IGFL2: variants seen among roughly 807,000 people sequenced by gnomAD.
IGFL2 encodes the protein insulin growth factor-like family member 2.
Under a neutral mutation model 13.9 loss-of-function variants are expected in IGFL2, and 7 were observed. The observed-to-expected ratio is 0.51, with a 90% CI of 0.29 to 0.95. The LOEUF (loss-of-function observed/expected upper bound fraction) is 0.95, where lower values mean the gene tolerates loss of function less well. IGFL2 is among the 40% of genes least tolerant of loss of function. IGFL2 has a pLI of 0.08. For synonymous variants in IGFL2, 55 were observed against 55.8 expected, an observed-to-expected ratio of 0.99 and a Z score of 0.07; for missense variants, 138 against 147.8, an observed-to-expected ratio of 0.93 and a Z score of 0.34.
Position 46,150,180 on chromosome 19 carries a change from A to T in IGFL2, c.19+1883A>T, listed in dbSNP as rs577711024. 8.3e-4 allele frequency among the ~76,000 whole-genome samples: 126 copies of T among 152,160 alleles called. 2 individuals carry two copies. The Middle Eastern group carries it at 0.017, about 21-fold the overall frequency. On this transcript the variant is annotated intron_variant, in intron 1 of 3. Transcript: ENST00000377693. ...TATTGGCCATTTGTATTCCTTTTTG[A>T]GAAAAGGTTTATTCAGATTTTTCCA...
At chr19:46,182,641 G>A in the IGFL2 span, among the ~76,000 whole-genome samples, 1 of 152,282 alleles carries the variant, frequency 6.6e-6, no homozygotes, top group East Asian at 1.9e-4. Context: ...TGTGTGAGTT[G>A]GAGATTGGAT....
upstream of IGFL2, among the ~76,000 whole-genome samples, chr19:46,143,987 C>T (rs1472275174): frequency 7.2e-5 from 11 of 152,250 alleles, no homozygotes; most frequent in African/African-American, 2.4e-5. Flanking sequence ...GCCCACCTCT[C>T]ACCTCTGTCA....
chr19:46,135,384 G>A, the IGFL2 span, among the ~76,000 whole-genome samples: 1 of 151,994 alleles, frequency 6.6e-6, no homozygotes, highest in South Asian at 2.1e-4. Context: ...TCTCTATTTG[G>A]TATCCATTAA....
the IGFL2 span, among the ~76,000 whole-genome samples, chr19:46,179,778 T>C: frequency 6.6e-6 from 1 of 151,230 alleles, no homozygotes; most frequent in South Asian, 2.1e-4. Flanking sequence ...TAGCCGGGAG[T>C]GTTGGTGCAT....
the IGFL2 span, among the ~76,000 whole-genome samples, chr19:46,090,433 G>C: frequency 6.6e-6 from 1 of 152,140 alleles, no homozygotes; most frequent in African/African-American, 2.4e-5. Flanking sequence ...TCTTGATCTT[G>C]TGGCCACACG....
the IGFL2 span, among the ~76,000 whole-genome samples, chr19:46,172,633 T>G: frequency 6.6e-6 from 1 of 152,148 alleles, no homozygotes; most frequent in Admixed American, 6.5e-5. Flanking sequence ...AGGAAATTTT[T>G]AAATGCCAGC....
At chr19:46,205,989 C>A in the IGFL2 span, among the ~76,000 whole-genome samples, 7 of 152,026 alleles carry the variant, frequency 4.6e-5, no homozygotes, top group African/African-American at 1.7e-4. Flanking sequence ...TGACAATATC[C>A]AAAAATCTAA....
chr19:46,176,763 G>A, the IGFL2 span, among the ~76,000 whole-genome samples: 4,308 of 152,236 alleles, frequency 0.028, 195 homozygotes, highest in African/African-American at 0.096. Context: ...TGTTGAGACT[G>A]CGATGTGACC....
the IGFL2 span, among the ~76,000 whole-genome samples, chr19:46,109,401 A>C: frequency 6.7e-6 from 1 of 150,128 alleles, no homozygotes; most frequent in Non-Finnish European, 1.5e-5. Flanking sequence ...TGCAAGCTCC[A>C]CCTCCCAGGT....
chr19:46,116,758 T>C, the IGFL2 span, among the ~76,000 whole-genome samples: 47 of 152,094 alleles, frequency 3.1e-4, no homozygotes, highest in African/African-American at 1.1e-3. Flanking sequence ...TGTAACGGAG[T>C]TCTGGGAAAG....
chr19:46,084,156 A>G, the IGFL2 span, among the ~76,000 whole-genome samples: 1 of 152,218 alleles, frequency 6.6e-6, no homozygotes, highest in African/African-American at 2.4e-5. Flanking sequence ...TAGAAAAGAT[A>G]CTTGATATGA....
At chr19:46,207,812 C>T in the IGFL2 span, 1 of 152,212 alleles carries the variant, frequency 6.6e-6, no homozygotes, top group Non-Finnish European at 1.5e-5. Flanking sequence ...AGTCAAAGAA[C>T]AAACATTTTC....
the IGFL2 span, among the ~76,000 whole-genome samples, chr19:46,101,313 G>T: frequency 6.6e-6 from 1 of 152,334 alleles, no homozygotes; most frequent in African/African-American, 2.4e-5. Context: ...ATTCCTCAGA[G>T]CTAGTGGAGG....
At chr19:46,200,314 C>G in the IGFL2 span, among the ~76,000 whole-genome samples, 1 of 151,936 alleles carries the variant, frequency 6.6e-6, no homozygotes, top group Non-Finnish European at 1.5e-5. Flanking sequence ...TCTACAGGCC[C>G]ATGACATTAT....
At chr19:46,184,377 G>A in the IGFL2 span, among the ~76,000 whole-genome samples, 134 of 151,820 alleles carry the variant, frequency 8.8e-4, no homozygotes, top group Middle Eastern at 0.01. Context: ...CCATCAACCC[G>A]TCATCTACAT....
the IGFL2 span, among the ~76,000 whole-genome samples, chr19:46,085,598 A>C: frequency 2.0e-5 from 3 of 152,252 alleles, no homozygotes; most frequent in Admixed American, 2.0e-4. Flanking sequence ...CTGTCTTTTA[A>C]GTGGGGCATT....
upstream of IGFL2, among the ~76,000 whole-genome samples, chr19:46,140,661 TACGATTTGTTG>T (rs1170825296): frequency 6.6e-6 from 1 of 152,172 alleles, no homozygotes; most frequent in Admixed American, 6.5e-5. Context: ...ACTACTACCC[TACGATTTGTTG>T]ACAGGCAGTT....
At chr19:46,183,801 G>T in the IGFL2 span, among the ~76,000 whole-genome samples, 1 of 152,118 alleles carries the variant, frequency 6.6e-6, no homozygotes, top group South Asian at 2.1e-4. Context: ...CTTCCAAAGT[G>T]CTGGGATTAC....
At chr19:46,133,450 A>T in the IGFL2 span, among the ~76,000 whole-genome samples, 1 of 152,166 alleles carries the variant, frequency 6.6e-6, no homozygotes, top group African/African-American at 2.4e-5. Flanking sequence ...GCAACTTAGA[A>T]CTTCCCCAAA....
Sources: gnomAD v4.1 joint callset for allele counts (sites outside exome capture counted in the v4.1 genomes callset) on GRCh38, gnomAD v4.1.1 for gene constraint, MANE v1.5 for transcripts, NCBI Gene and HGNC (gene_info 2026-07-23, HGNC 2026-07-21) for gene names.